Variants in SSBP3 observed in about 807,000 individuals in gnomAD.
SSBP3 encodes single-stranded DNA-binding protein 3.
SSBP3 carries 5 observed loss-of-function variants against 69.6 expected under a neutral mutation model. The observed-to-expected ratio is 0.07, with a 90% CI of 0.04 to 0.15. The LOEUF is 0.15. SSBP3 is among the 10% of genes least tolerant of loss of function. The pLI is 1.00. For missense variants in SSBP3, 312 were observed against 534.0 expected (o/e 0.58, Z 4.10); for synonymous variants, 196 against 193.4 (o/e 1.01, Z -0.11).
intron 5 of SSBP3, among the ~76,000 whole-genome samples, chr1:54,266,590 G>C (rs1397296466): frequency 6.6e-6 from 1 of 152,188 alleles, no homozygotes; most frequent in Non-Finnish European, 1.5e-5. Flanking sequence ...GGAGTCTTCT[G>C]TAATTCTCAA....
intron 4 of SSBP3, among the ~76,000 whole-genome samples, chr1:54,376,854 A>C (rs1304372115): frequency 2.0e-5 from 3 of 152,136 alleles, no homozygotes; most frequent in Non-Finnish European, 4.4e-5. Context: ...TTCTGTCCCA[A>C]CTGAGGCCTA....
chr1:54,327,440 C>T (rs929869020), intron 4 of SSBP3, among the ~76,000 whole-genome samples: 6 of 152,242 alleles, frequency 3.9e-5, no homozygotes, highest in East Asian at 1.9e-4. Flanking sequence ...TGCAATCTGC[C>T]GCCCTGCCTG....
intron 5 of SSBP3, among the ~76,000 whole-genome samples, chr1:54,268,508 A>C (rs373387027): frequency 4.0e-4 from 61 of 152,342 alleles, no homozygotes; most frequent in African/African-American, 1.4e-3. Flanking sequence ...GATTCGTCAT[A>C]TCCAACTAGG....
At chr1:54,413,147 C>T (rs1446654886) in intron 1 of SSBP3, 3 of 152,208 alleles carry the variant, frequency 2.0e-5, no homozygotes, top group East Asian at 1.9e-4. Context: ...CTCCTGAAAC[C>T]CTCTCCTCAC....
At chr1:54,264,733 C>G (rs528851650) in intron 5 of SSBP3, among the ~76,000 whole-genome samples, 1 of 152,212 alleles carries the variant, frequency 6.6e-6, no homozygotes, top group Non-Finnish European at 1.5e-5. Flanking sequence ...CCCAGACAGA[C>G]GCCATTACCA....
intron 4 of SSBP3, among the ~76,000 whole-genome samples, chr1:54,393,293 T>C (rs1570038365): frequency 6.6e-6 from 1 of 152,308 alleles, no homozygotes. Flanking sequence ...TAATGTGACT[T>C]GCCCCCACAA....
intron 4 of SSBP3, among the ~76,000 whole-genome samples, chr1:54,376,419 C>G (rs1294567152): frequency 6.6e-6 from 1 of 152,202 alleles, no homozygotes; most frequent in Admixed American, 6.5e-5. Flanking sequence ...GAATGGTGCT[C>G]CCAACCTGAA....
chr1:54,290,984 C>G (rs927838524), intron 4 of SSBP3, among the ~76,000 whole-genome samples: 1 of 152,200 alleles, frequency 6.6e-6, no homozygotes, highest in Non-Finnish European at 1.5e-5. Context: ...CTTACAACCA[C>G]AAACATGTCA....
At chr1:54,334,548 G>A (rs989146522) in intron 4 of SSBP3, among the ~76,000 whole-genome samples, 1 of 152,042 alleles carries the variant, frequency 6.6e-6, no homozygotes, top group Non-Finnish European at 1.5e-5. Flanking sequence ...AGTTGGTCCC[G>A]CCACTTTCTT....
At chr1:54,233,033 G>C (rs946876377) in intron 14 of SSBP3, among the ~76,000 whole-genome samples, 5 of 151,598 alleles carry the variant, frequency 3.3e-5, no homozygotes, top group African/African-American at 1.2e-4. Flanking sequence ...GTCTCTGCCT[G>C]GCCACCCATC....
chr1:54,245,884 C>T (rs183651203), intron 9 of SSBP3, among the ~76,000 whole-genome samples: 16 of 152,374 alleles, frequency 1.1e-4, no homozygotes, highest in Non-Finnish European at 2.2e-4. Flanking sequence ...TCCATGCCCA[C>T]ATGTACCACA....
chr1:54,233,669 G>A (rs1644430501), intron 14 of SSBP3, among the ~76,000 whole-genome samples: 1 of 149,712 alleles, frequency 6.7e-6, no homozygotes. Flanking sequence ...ACTGGGAAGT[G>A]AGGAGCCCCT....
chr1:54,383,234 C>T (rs1319841263), intron 4 of SSBP3, among the ~76,000 whole-genome samples: 3 of 151,336 alleles, frequency 2.0e-5, no homozygotes, highest in Non-Finnish European at 4.4e-5. Context: ...AAAAATTAGC[C>T]GGGCGTGGTG....
intron 9 of SSBP3, among the ~76,000 whole-genome samples, chr1:54,251,330 C>T (rs1466994737): frequency 1.3e-5 from 2 of 152,168 alleles, no homozygotes; most frequent in Non-Finnish European, 2.9e-5. Context: ...GATAGGCTAC[C>T]GCACCCCAAA....
Position 54,382,985 on chromosome 1 carries a change from C to CAA in SSBP3, c.276+18874_276+18875dup, listed in dbSNP as rs781100304. Among the ~76,000 whole-genome samples, 835 of 89,920 alleles carry CAA rather than the reference C, an allele frequency of 9.3e-3. 16 individuals carry two copies. The highest frequency in any genetic ancestry group is 0.015 in the African/African-American group (399 of 25,744). The allele number at this position is 89,920 out of a possible 152,430, so 59.0% of individuals were successfully genotyped here. A position where few individuals can be genotyped will look rare whatever the true frequency, so the allele number is the denominator to read the frequency against. ...GGGCAACAAGAGCGAAACTCCATGACAAAAAAAAAAAAAAAAGAAGAGAGA... is the reference window on the plus strand; with the variant it reads ...GGGCAACAAGAGCGAAACTCCATGACAAAAAAAAAAAAAAAAAAGAAGAGAGA... On this transcript the variant is annotated intron_variant, in intron 4 of 17. Coordinates refer to ENST00000610401, the Ensembl canonical transcript of SSBP3.
chr1:54,278,072 G>C (rs1452958645), intron 5 of SSBP3, among the ~76,000 whole-genome samples: 1 of 152,224 alleles, frequency 6.6e-6, no homozygotes, highest in African/African-American at 2.4e-5. Context: ...GAGATGGGGA[G>C]CAACTTGCCC....
At chr1:54,367,332 A>C (rs1203298562) in intron 4 of SSBP3, among the ~76,000 whole-genome samples, 2 of 152,226 alleles carry the variant, frequency 1.3e-5, no homozygotes, top group Non-Finnish European at 2.9e-5. Context: ...AAGCAGAGAC[A>C]GAAACCTTCT....
chr1:54,241,397 G>T (rs72664198), intron 12 of SSBP3, 77 bp downstream of exon 12: 11 of 1,489,756 alleles, frequency 7.4e-6, no homozygotes, highest in African/African-American at 1.4e-5. Flanking sequence ...GGAAAGAAAC[G>T]GGGACCCCAG....
At chr1:54,232,229 T>TA (rs1180050036) in intron 14 of SSBP3, among the ~76,000 whole-genome samples, 2 of 152,220 alleles carry the variant, frequency 1.3e-5, no homozygotes, top group Non-Finnish European at 2.9e-5. Context: ...TTAATATTTT[T>TA]ATAACGTTTC....
Sources: gnomAD v4.1 joint callset for allele counts (sites outside exome capture counted in the v4.1 genomes callset) on GRCh38, gnomAD v4.1.1 for gene constraint, MANE v1.5 for transcripts, NCBI Gene and HGNC (gene_info 2026-07-23, HGNC 2026-07-21) for gene names.